MORF4L1: variants seen among roughly 807,000 people sequenced by gnomAD.
MORF4L1 encodes mortality factor 4 like 1, also known as mortality factor 4-like protein 1.
MORF4L1 carries 4 observed loss-of-function variants against 52.9 expected under a neutral mutation model. The ratio of observed to expected loss-of-function variants is 0.08; its 90% CI spans 0.04 to 0.17. MORF4L1 has a LOEUF of 0.17. Among genes scored for constraint, MORF4L1 ranks in the 10% least tolerant of loss-of-function variants. The pLI, the probability that MORF4L1 is intolerant of heterozygous loss-of-function variation, is 1.00. For synonymous variants in MORF4L1, 123 were observed against 134.8 expected, an observed-to-expected ratio of 0.91 and a Z score of 0.61; for missense variants, 214 against 390.4, an observed-to-expected ratio of 0.55 and a Z score of 3.81.
Position 78,894,159 on chromosome 15 carries a change from A to C in MORF4L1, c.731A>C (p.Glu244Ala). The C allele has an allele frequency of 1.2e-6, 2 of 1,614,114 alleles. No individual in the cohort carries two copies. The highest frequency in any genetic ancestry group is 1.7e-6 in the Non-Finnish European group (2 of 1,179,986). ...LYKFERPQYA[E>A]ILADHPDAPM... ...AAATTTGAGAGACCACAGTATGCTG[A>C]AATTCTTGCAGATCATCCCGATGCA... Residue 244 changes from glutamate (E) to alanine (A), a missense_variant, in exon 10 of 12, where the codon GAA (glutamate) becomes GCA (alanine). Glu to Ala is a moderately radical substitution (Grantham distance 107). Transcript: ENST00000426013.
chr15:78,894,925 A>G, intron 11 of MORF4L1, 21 bp downstream of exon 11: 1 of 1,579,430 alleles, frequency 6.3e-7, no homozygotes, highest in Admixed American at 1.7e-5. Flanking sequence ...GCTTGAAATT[A>G]TAAACATGGA....
At position 78,896,308 on chromosome 15, in the gene MORF4L1, C is replaced by CTTTT. The variant is rs71148578; in HGVS notation, c.888-655_888-652dup. On this transcript the variant is annotated intron_variant, in intron 11 of 11. Transcript: ENST00000426013. Reference sequence around the variant, plus strand: ...ATTTTTTTCTTTTTTCTTTTCTTTTCTTTTTTTTTTTTTTTTTTTTTTTGA... The same window carrying CTTTT: ...ATTTTTTTCTTTTTTCTTTTCTTTTCTTTTTTTTTTTTTTTTTTTTTTTTTTTGA... Among the ~76,000 whole-genome samples, 434 of 81,166 alleles carry CTTTT rather than the reference C, an allele frequency of 5.3e-3. 2 individuals are homozygous for CTTTT. Among genetic ancestry groups the CTTTT allele is most frequent in the East Asian group, 0.01 (27 of 2,664 alleles). The allele number at this position is 81,166 out of a possible 152,430, so 53.2% of individuals were successfully genotyped here.
chr15:78,883,928 A>T (rs2056647057), intron 3 of MORF4L1, among the ~76,000 whole-genome samples: 1 of 152,172 alleles, frequency 6.6e-6, no homozygotes, highest in South Asian at 2.1e-4. Context: ...ATTCTGGGCC[A>T]GGCGCGGTGG....
intron 5 of MORF4L1, 157 bp downstream of exon 5, chr15:78,887,506 A>G (rs2141475103): frequency 3.6e-6 from 2 of 550,892 alleles, no homozygotes; most frequent in Admixed American, 3.8e-5. Context: ...GTAGTTTAAA[A>G]TAACGTATTC....
rs2141493523 is a variant in MORF4L1, at chr15:78,897,756, C to A, written c.*689C>A. ...AAAGAACAATGTGCTTGTGTTGATG[C>A]CTTACAAAAACCATTGTATATTTGT... On this transcript the variant is annotated 3_prime_UTR_variant, in exon 12 of 12. Coordinates refer to ENST00000426013, the MANE Select transcript of MORF4L1 (RefSeq NM_006791.4). 1 of 152,618 alleles carries A rather than the reference C, an allele frequency of 6.6e-6. No homozygotes were observed. Among genetic ancestry groups the A allele is most frequent in the East Asian group, 1.9e-4 (1 of 5,180 alleles). The allele number at this position is 152,618 out of a possible 1,614,324, so 9.5% of individuals were successfully genotyped here.
chr15:78,873,326 T>C, intron 1 of MORF4L1: 1 of 1,063,362 alleles, frequency 9.4e-7, no homozygotes, highest in Non-Finnish European at 1.3e-6. Flanking sequence ...TGTTTGTTAT[T>C]GTTCTGAGGA....
intron 2 of MORF4L1, among the ~76,000 whole-genome samples, chr15:78,879,773 C>CAAAA (rs10664763): frequency 1.6e-5 from 2 of 124,644 alleles, no homozygotes; most frequent in African/African-American, 5.8e-5. Context: ...CTGTCTCTAC[C>CAAAA]AAAAAAAAAA....
chr15:78,894,750 T>C (rs2056857727), intron 10 of MORF4L1, 70 bp from the exon 11 acceptor site: 1 of 1,172,964 alleles, frequency 8.5e-7, no homozygotes, highest in Non-Finnish European at 1.3e-6. Context: ...TTTGCTCACA[T>C]AATTAAAATA....
intron 1 of MORF4L1, among the ~76,000 whole-genome samples, chr15:78,876,033 G>C (rs1414810980): frequency 6.6e-6 from 1 of 151,886 alleles, no homozygotes; most frequent in Non-Finnish European, 1.5e-5. Context: ...CGCCTCCTGG[G>C]TTCAAGCGAT....
intron 10 of MORF4L1, 199 bp from the exon 11 acceptor site, chr15:78,894,621 G>C (rs187969165): frequency 9.4e-6 from 5 of 533,276 alleles, no homozygotes; most frequent in Admixed American, 3.3e-5. Flanking sequence ...GTTCGCCAGG[G>C]TGGTCTTGAA....
intron 1 of MORF4L1, among the ~76,000 whole-genome samples, chr15:78,875,349 A>G (rs78990271): frequency 6.6e-6 from 1 of 152,252 alleles, no homozygotes; most frequent in South Asian, 2.1e-4. Context: ...ATTGGAGAAG[A>G]GTAGGAACCA....
intron 7 of MORF4L1, 148 bp from the exon 8 acceptor site, chr15:78,892,064 T>G: frequency 1.9e-6 from 1 of 536,268 alleles, no homozygotes; most frequent in South Asian, 3.1e-5. Context: ...ATGGTCGTTT[T>G]TATTAATGAT....
chr15:78,886,611 A>G (rs2056708118), intron 4 of MORF4L1, among the ~76,000 whole-genome samples: 1 of 152,174 alleles, frequency 6.6e-6, no homozygotes, highest in Non-Finnish European at 1.5e-5. Flanking sequence ...GGACCCTGAA[A>G]GACTCTATGA....
Position 78,872,916 on chromosome 15 carries a change from C to T in MORF4L1, c.-102C>T, listed in dbSNP as rs528099592. On this transcript the variant is annotated 5_prime_UTR_variant, in exon 1 of 12. Transcript: ENST00000426013. ...AATCCGGCCCAGGATGTAGAGCTGG[C>T]AGTGCCTGACGGCGCGTCTGACGCG... 2.0e-6 allele frequency: 3 copies of T among 1,496,964 alleles called. No individual in the cohort carries two copies. Among genetic ancestry groups the T allele is most frequent in the Admixed American group, 2.6e-5 (1 of 39,208 alleles). The allele number at this position is 1,496,964 out of a possible 1,614,324, so 92.7% of individuals were successfully genotyped here.
intron 3 of MORF4L1, among the ~76,000 whole-genome samples, chr15:78,884,444 A>G (rs1033189087): frequency 1.3e-5 from 2 of 151,966 alleles, no homozygotes; most frequent in African/African-American, 4.8e-5. Flanking sequence ...GTTCGAGACA[A>G]GCCTGACCAA....
intron 3 of MORF4L1, among the ~76,000 whole-genome samples, chr15:78,883,586 T>C (rs2056641221): frequency 6.6e-6 from 1 of 151,912 alleles, no homozygotes; most frequent in African/African-American, 2.4e-5. Context: ...TTTTTTGTTC[T>C]CAACTAATTT....
intron 2 of MORF4L1, 70 bp downstream of exon 2, chr15:78,878,329 G>A: frequency 7.0e-7 from 1 of 1,424,726 alleles, no homozygotes; most frequent in Non-Finnish European, 9.7e-7. Flanking sequence ...TAATATACAA[G>A]TACAGTATTT....
chr15:78,886,483 T>C, intron 4 of MORF4L1: 1 of 408,562 alleles, frequency 2.4e-6, no homozygotes, highest in Admixed American at 3.7e-5. Flanking sequence ...TTGCTATAGG[T>C]ATGAACTCAC....
At chr15:78,886,379 G>C in intron 4 of MORF4L1, 152 bp downstream of exon 4, 2 of 682,572 alleles carry the variant, frequency 2.9e-6, no homozygotes, top group East Asian at 2.7e-5. Context: ...GACTTCAAGC[G>C]ATCAAGCCAT....
Sources: allele counts gnomAD v4.1 joint callset (sites outside exome capture counted in the v4.1 genomes callset), GRCh38; gene constraint gnomAD v4.1.1; transcripts MANE v1.5; gene names NCBI Gene and HGNC (gene_info 2026-07-23, HGNC 2026-07-21).